The following NAT16 variants were observed in gnomAD, a reference collection of about 807,000 sequenced individuals.
NAT16 encodes the protein N-acetyltransferase 16 (putative).
In NAT16, 16 loss-of-function variants were observed where a neutral mutation model predicts 15.9. That is an observed-to-expected ratio of 1.01 (90% CI 0.68 to 1.53). NAT16 has a LOEUF of 1.53. NAT16 is among the 40% of genes most tolerant of loss of function. NAT16 has a pLI of 0.00. For synonymous variants in NAT16, 260 were observed against 241.9 expected (o/e 1.07, Z -0.69); for missense variants, 572 against 508.4 (o/e 1.13, Z -1.20).
chr7:101,171,879 T>G lies in NAT16; in HGVS notation c.*200A>C. The G allele has an allele frequency of 3.4e-5, 19 of 552,982 alleles. No homozygotes were observed. The highest frequency in any genetic ancestry group is 9.7e-5 in the East Asian group (3 of 30,960). The allele number at this position is 552,982 out of a possible 1,614,324, so 34.3% of individuals were successfully genotyped here. On this transcript the variant is annotated 3_prime_UTR_variant, in exon 4 of 4. Coordinates refer to ENST00000300303, the MANE Select transcript of NAT16 (RefSeq NM_198571.3). Reference sequence around the variant, plus strand: ...CAAGTTCAGGTCAGGGAGTGGGCAATGGTGTTTGGGGGAGCTAGAGGCAAG... The same window carrying G: ...CAAGTTCAGGTCAGGGAGTGGGCAAGGGTGTTTGGGGGAGCTAGAGGCAAG...
At chr7:101,175,917 G>T in intron 1 of NAT16, among the ~76,000 whole-genome samples, 1 of 67,188 alleles carries the variant, frequency 1.5e-5, no homozygotes, top group African/African-American at 5.9e-5. Context: ...GAGAGAACCT[G>T]TGTCAAAAAA....
chr7:101,176,061 C>T (rs552646560), intron 1 of NAT16, among the ~76,000 whole-genome samples: 7 of 152,282 alleles, frequency 4.6e-5, no homozygotes, highest in African/African-American at 1.2e-4. Flanking sequence ...GGAGGGCTCA[C>T]CCTCACCCCA....
intron 1 of NAT16, among the ~76,000 whole-genome samples, chr7:101,176,503 G>GAAAA (rs71895915): frequency 8.4e-6 from 1 of 118,716 alleles, no homozygotes; most frequent in African/African-American, 3.3e-5. Context: ...TCTGTCTCAA[G>GAAAA]AAAAAAAAAA....
At chr7:101,178,428 C>T (rs916331904) in intron 1 of NAT16, among the ~76,000 whole-genome samples, 3 of 152,154 alleles carry the variant, frequency 2.0e-5, no homozygotes, top group Non-Finnish European at 4.4e-5. Flanking sequence ...CCACTTCCTA[C>T]CCTCCAGTCC....
rs1410965689 is a variant in NAT16 at position 101,172,181 on chromosome 7, C to G, written c.1008G>C (p.Glu336Asp). 6.2e-7 allele frequency: 1 copy of G among 1,613,864 alleles called. No homozygotes were observed. Among genetic ancestry groups the G allele is most frequent in the Non-Finnish European group, 8.5e-7 (1 of 1,179,982 alleles). ...GLNVMCQLFL[E>D]PQLWSQLADF... Reference sequence around the variant, plus strand: ...CAGCCAGCTGTGACCACAGCTGGGGCTCCAGGAAGAGCTGGCACATGACGT... The same window carrying G: ...CAGCCAGCTGTGACCACAGCTGGGGGTCCAGGAAGAGCTGGCACATGACGT... The change falls in exon 4 of 4, where the codon GAG becomes GAC. Residue 336 changes from glutamate to aspartate, a missense_variant. Physicochemically the swap from Glu to Asp is conservative, Grantham distance 45. Coordinates refer to ENST00000300303, the MANE Select transcript of NAT16 (RefSeq NM_198571.3). The surrounding 1 kb of genome is among the most constrained non-coding windows in gnomAD (Gnocchi z 4.2).
At chr7:101,178,747 C>G (rs376109657) in intron 1 of NAT16, among the ~76,000 whole-genome samples, 17 of 147,410 alleles carry the variant, frequency 1.2e-4, no homozygotes, top group African/African-American at 4.2e-4. Flanking sequence ...CAAAAGTAGC[C>G]GGGCGTGCTG....
At position 101,172,683 on chromosome 7, in the gene NAT16, G is replaced by A; in HGVS notation, c.538-32C>T. 1 of 1,440,212 alleles carries A rather than the reference G, an allele frequency of 6.9e-7. No homozygotes were observed. The highest frequency in any genetic ancestry group is 9.1e-7 in the Non-Finnish European group (1 of 1,103,246). The allele number at this position is 1,440,212 out of a possible 1,614,324, so 89.2% of individuals were successfully genotyped here. A position where few individuals can be genotyped will look rare whatever the true frequency, so the allele number is the denominator to read the frequency against. On this transcript the variant is annotated intron_variant, in intron 3 of 3. Transcript: ENST00000300303. The surrounding 1 kb of genome is among the most constrained non-coding windows in gnomAD (Gnocchi z 4.2). The stretch of plus-strand genomic sequence containing the variant: ...GGGGCACGAGTGAGCGCGGGGAGGG[G>A]GGGCGCAGCAGGGCTGGCGAGCCCG...
chr7:101,178,512 G>A (rs1797513915), intron 1 of NAT16, among the ~76,000 whole-genome samples: 2 of 151,900 alleles, frequency 1.3e-5, no homozygotes, highest in Non-Finnish European at 2.9e-5. Context: ...GGCAGCTGGT[G>A]AGTCCAGGGC....
rs1797389984 is a variant in NAT16 at position 101,173,477 on chromosome 7, A to G, written c.356T>C (p.Val119Ala). 1 of 1,609,856 alleles carries G rather than the reference A, an allele frequency of 6.2e-7. No homozygotes were observed. Among genetic ancestry groups the G allele is most frequent in the African/African-American group, 1.3e-5 (1 of 74,802 alleles). Residue 119 changes from valine to alanine, a missense_variant, in exon 3 of 4, where the codon GTG becomes GCG. Physicochemically the swap from Val to Ala is moderately conservative, Grantham distance 64 (BLOSUM62 0). Coordinates refer to ENST00000300303, the MANE Select transcript of NAT16 (RefSeq NM_198571.3). ...SVNVIDAGET[V>A]LVEGLRVAPW... is the part of the protein sequence containing the mutation. ...CGCCACGCGCAGCCCCTCCACCAGC[A>G]CCGTCTCCCCGGCGTCGATCACGTT...
At chr7:101,173,589 G>A in intron 2 of NAT16, 69 bp from the exon 3 acceptor site, 2 of 1,357,404 alleles carry the variant, frequency 1.5e-6, no homozygotes, top group Non-Finnish European at 2.0e-6. Flanking sequence ...CGGTTCACTG[G>A]GCTCTCCTCT....
In NAT16 at chr7:101,172,078, C is replaced by A; in HGVS notation, c.*1G>T. Reference sequence around the variant, plus strand: ...TCCCCCTCCCCGCCAGAGGAGAGGCCTCAGATGTCGGCCTCCAGCAGGTAC... The same window carrying A: ...TCCCCCTCCCCGCCAGAGGAGAGGCATCAGATGTCGGCCTCCAGCAGGTAC... On this transcript the variant is annotated 3_prime_UTR_variant, in exon 4 of 4. Coordinates refer to ENST00000300303, the MANE Select transcript of NAT16 (RefSeq NM_198571.3). This position sits in a 1 kb window ranked among gnomAD's most constrained non-coding sequence, Gnocchi z 4.2. 6.2e-7 allele frequency: 1 copy of A among 1,605,606 alleles called. No homozygotes were observed. The highest frequency in any genetic ancestry group is 8.5e-7 in the Non-Finnish European group (1 of 1,174,192).
Position 101,173,476 on chromosome 7 carries a change from CACCGTCTCCCCG to C in NAT16, c.345_356del (p.Gly116_Val119del), listed in dbSNP as rs1797390118. ...GCGCCACGCGCAGCCCCTCCACCAG[CACCGTCTCCCCG>C]GCGTCGATCACGTTCACCGACTCCA... On this transcript the variant is annotated inframe_deletion, in exon 3 of 4. Coordinates refer to ENST00000300303, the MANE Select transcript of NAT16 (RefSeq NM_198571.3). 11 of 1,609,994 alleles carry C rather than the reference CACCGTCTCCCCG, an allele frequency of 6.8e-6. No individual in the cohort carries two copies. The highest frequency in any genetic ancestry group is 9.3e-6 in the Non-Finnish European group (11 of 1,178,006).
In NAT16 at chr7:101,174,626, C is replaced by T. The variant is rs774102605; in HGVS notation, c.182G>A (p.Arg61Gln). ...GATGGCCAGCACTTCCTCAAACTCC[C>T]GTTCCGTGGCCACCACGAAGTCCAA... Reference protein sequence around the residue: ...EPLDFVVATEREFEEVLAISG... With the variant: ...EPLDFVVATEQEFEEVLAISG... Residue 61 changes from arginine (R) to glutamine (Q), a missense_variant, in exon 2 of 4, where the codon CGG becomes CAG. Coordinates refer to ENST00000300303, the MANE Select transcript of NAT16 (RefSeq NM_198571.3). 2.5e-6 allele frequency: 4 copies of T among 1,614,208 alleles called. No individual in the cohort carries two copies. The Admixed American group carries it at 5.0e-5, about 20-fold the overall frequency.
At position 101,171,946 on chromosome 7, in the gene NAT16, G is replaced by T; in HGVS notation, c.*133C>A. On this transcript the variant is annotated 3_prime_UTR_variant, in exon 4 of 4. Transcript: ENST00000300303. ...GGACAGAGTGGGGGGACCTGCGCCG[G>T]TAAGGGCAGGAGGGCAGGAGTCAGA... 1 of 643,326 alleles carries T rather than the reference G, an allele frequency of 1.6e-6. No individual in the cohort carries two copies. The highest frequency in any genetic ancestry group is 2.7e-6 in the Non-Finnish European group (1 of 364,822). The allele number at this position is 643,326 out of a possible 1,614,324, so 39.9% of individuals were successfully genotyped here.
At chr7:101,174,378 C>G (rs1380401760) in intron 2 of NAT16, 118 bp downstream of exon 2, 3 of 1,351,588 alleles carry the variant, frequency 2.2e-6, no homozygotes, top group African/African-American at 2.9e-5. Context: ...AAAGCAGGCT[C>G]TATTTCCGCA....
chr7:101,179,492 G>C (rs1379573205), intron 1 of NAT16, among the ~76,000 whole-genome samples: 1 of 151,068 alleles, frequency 6.6e-6, no homozygotes, highest in African/African-American at 2.4e-5. Context: ...AGGGGTCAAG[G>C]GGAAAAGAAA....
chr7:101,174,329 G>T, intron 2 of NAT16, 167 bp downstream of exon 2: 1 of 852,102 alleles, frequency 1.2e-6, no homozygotes, highest in Non-Finnish European at 1.8e-6. Context: ...CACTGACATA[G>T]CCCCTGGATC....
intron 1 of NAT16, 119 bp from the exon 2 acceptor site, chr7:101,174,930 TTTTA>T (rs1797434345): frequency 3.4e-6 from 4 of 1,184,200 alleles, no homozygotes; most frequent in Non-Finnish European, 4.3e-6. Flanking sequence ...TTTTCTTTTC[TTTTA>T]TTTATTTACT....
chr7:101,177,915 G>A lies in NAT16; in HGVS notation c.-5+2127C>T, dbSNP rs549815507. On this transcript the variant is annotated intron_variant, in intron 1 of 3. Coordinates refer to ENST00000300303, the MANE Select transcript of NAT16 (RefSeq NM_198571.3). ...TGAGGACAATGGGTCCCAGAGAACA[G>A]CAAGTTAGCTCCTGACTCCATCTGC... 2.3e-3 allele frequency among the ~76,000 whole-genome samples: 344 copies of A among 152,308 alleles called. 16 individuals are homozygous for A. The South Asian group carries it at 0.069, about 30-fold the overall frequency.
Sources: gnomAD v4.1 joint callset for allele counts (sites outside exome capture counted in the v4.1 genomes callset) on GRCh38, gnomAD v4.1.1 for gene constraint, Gnocchi (gnomAD v3.1) non-coding constraint, MANE v1.5 for transcripts, NCBI Gene and HGNC (gene_info 2026-07-23, HGNC 2026-07-21) for gene names.